Variants in PHACTR1 observed in about 807,000 individuals in gnomAD.
PHACTR1 encodes the protein phosphatase and actin regulator 1.
In PHACTR1, 16 loss-of-function variants were observed where a neutral mutation model predicts 69.2. The observed-to-expected ratio is 0.23, with a 90% CI of 0.16 to 0.35. The LOEUF is 0.35. Ranked by LOEUF, PHACTR1 falls within the 10% of genes least tolerant of loss-of-function variation. The probability of loss-of-function intolerance (pLI) is 1.00; values close to 1 mark genes in which losing one functional copy is unlikely to be tolerated. For missense variants in PHACTR1, 510 were observed against 734.7 expected (o/e 0.69, Z 3.54); for synonymous variants, 312 against 284.5 (o/e 1.10, Z -0.97).
chr6:13,120,968 CCTAGT>C (rs1395372342), intron 5 of PHACTR1, among the ~76,000 whole-genome samples: 1 of 152,266 alleles, frequency 6.6e-6, no homozygotes, highest in African/African-American at 2.4e-5. Context: ...AGCCTGGCAC[CCTAGT>C]CTAAAGAACA....
intron 3 of PHACTR1, among the ~76,000 whole-genome samples, chr6:12,729,066 C>T (rs1001313177): frequency 6.6e-6 from 1 of 152,164 alleles, no homozygotes; most frequent in African/African-American, 2.4e-5. Flanking sequence ...TTTTGTCAAG[C>T]CTCAGAGGAA....
At chr6:12,823,824 CAA>C (rs1212968851) in intron 4 of PHACTR1, among the ~76,000 whole-genome samples, 1 of 152,166 alleles carries the variant, frequency 6.6e-6, no homozygotes, top group East Asian at 1.9e-4. Flanking sequence ...ATTCTGCAAA[CAA>C]ATATAAACTC....
At chr6:13,184,166 C>G (rs1311800258) in intron 7 of PHACTR1, among the ~76,000 whole-genome samples, 1 of 152,210 alleles carries the variant, frequency 6.6e-6, no homozygotes, top group Non-Finnish European at 1.5e-5. Flanking sequence ...CTGCTCAGCG[C>G]CGGGCACTCC....
intron 4 of PHACTR1, among the ~76,000 whole-genome samples, chr6:12,845,933 G>A (rs759626156): frequency 2.1e-4 from 32 of 152,196 alleles, no homozygotes; most frequent in Non-Finnish European, 2.8e-4. Flanking sequence ...TGCACCTGCT[G>A]AAAGTATGCA....
chr6:12,877,517 A>G (rs1182315727), intron 4 of PHACTR1, among the ~76,000 whole-genome samples: 1 of 152,164 alleles, frequency 6.6e-6, no homozygotes, highest in African/African-American at 2.4e-5. Flanking sequence ...CGGAGCATCC[A>G]GCATACAGAA....
intron 5 of PHACTR1, among the ~76,000 whole-genome samples, chr6:13,056,055 G>A (rs1806732687): frequency 1.3e-5 from 2 of 152,194 alleles, no homozygotes; most frequent in South Asian, 4.1e-4. Flanking sequence ...ATACACTACA[G>A]TATATCTTTA....
At chr6:13,115,968 T>C (rs1461300081) in intron 5 of PHACTR1, among the ~76,000 whole-genome samples, 1 of 152,202 alleles carries the variant, frequency 6.6e-6, no homozygotes, top group Non-Finnish European at 1.5e-5. Flanking sequence ...GAAAGATGTC[T>C]TGGTGTGACA....
At chr6:12,853,909 C>T (rs963595506) in intron 4 of PHACTR1, among the ~76,000 whole-genome samples, 1 of 152,144 alleles carries the variant, frequency 6.6e-6, no homozygotes, top group Non-Finnish European at 1.5e-5. Flanking sequence ...TGAGAAGGTA[C>T]TTACAAAAGA....
At chr6:13,200,810 G>A (rs1255929036) in intron 7 of PHACTR1, among the ~76,000 whole-genome samples, 2 of 151,642 alleles carry the variant, frequency 1.3e-5, no homozygotes, top group East Asian at 1.9e-4. Context: ...GCATCATGGC[G>A]GACACCTGTA....
intron 10 of PHACTR1, among the ~76,000 whole-genome samples, chr6:13,259,623 A>C (rs1028069869): frequency 1.3e-5 from 2 of 152,186 alleles, no homozygotes; most frequent in African/African-American, 4.8e-5. Flanking sequence ...TCCTCCTGAC[A>C]GTCCTACACA....
chr6:13,185,248 C>T (rs1192886679), intron 7 of PHACTR1, among the ~76,000 whole-genome samples: 1 of 152,178 alleles, frequency 6.6e-6, no homozygotes, highest in Non-Finnish European at 1.5e-5. Flanking sequence ...TCATGTGTAT[C>T]TGTAAATGTG....
intron 6 of PHACTR1, among the ~76,000 whole-genome samples, chr6:13,166,063 G>A (rs1445958745): frequency 4.6e-5 from 7 of 152,008 alleles, no homozygotes; most frequent in African/African-American, 1.7e-4. Flanking sequence ...TTTCCCTGGT[G>A]CCACTTCAGC....
rs945143243 is a variant in PHACTR1, at chr6:13,170,844, C to T, written c.496+10560C>T. On this transcript the variant is annotated intron_variant, in intron 6 of 14. Transcript: ENST00000332995. ...AGCAAGGCCATGCTTTCATTTGATC[C>T]CTTCTCACTGTTCCCAGGCCCAAGC... Among the ~76,000 whole-genome samples the T allele has an allele frequency of 4.3e-4, 66 of 152,258 alleles. 1 individual carries two copies. The highest frequency in any genetic ancestry group is 1.4e-3 in the African/African-American group (60 of 41,564).
intron 5 of PHACTR1, among the ~76,000 whole-genome samples, chr6:13,082,814 C>G (rs1014324855): frequency 3.9e-5 from 6 of 151,954 alleles, no homozygotes; most frequent in East Asian, 1.9e-4. Context: ...TTGTAAATTT[C>G]TTTGAGTTCA....
intron 5 of PHACTR1, among the ~76,000 whole-genome samples, chr6:13,146,541 A>T (rs1265444690): frequency 1.3e-5 from 2 of 152,218 alleles, no homozygotes; most frequent in East Asian, 3.8e-4. Context: ...GGTTGATCCA[A>T]CCATGAGTCA....
chr6:13,099,113 A>C (rs971398863), intron 5 of PHACTR1, among the ~76,000 whole-genome samples: 2 of 152,184 alleles, frequency 1.3e-5, no homozygotes, highest in Non-Finnish European at 2.9e-5. Context: ...TGGCCTCTGC[A>C]TGTGACCTCG....
chr6:12,771,297 G>T (rs1159631207), intron 4 of PHACTR1, among the ~76,000 whole-genome samples: 1 of 152,144 alleles, frequency 6.6e-6, no homozygotes, highest in Non-Finnish European at 1.5e-5. Flanking sequence ...AAGGAGAGGG[G>T]TAGATGACCT....
chr6:13,108,415 T>C (rs1816506015), intron 5 of PHACTR1, among the ~76,000 whole-genome samples: 1 of 152,068 alleles, frequency 6.6e-6, no homozygotes, highest in African/African-American at 2.4e-5. Context: ...TTCTTCCAGT[T>C]TTCCATGTCA....
chr6:12,744,669 A>C (rs1765540494), intron 3 of PHACTR1, among the ~76,000 whole-genome samples: 1 of 152,172 alleles, frequency 6.6e-6, no homozygotes, highest in South Asian at 2.1e-4. Context: ...AGTTAAAGCA[A>C]GTTTATTAAG....
Sources: allele counts gnomAD v4.1 joint callset (sites outside exome capture counted in the v4.1 genomes callset), GRCh38; gene constraint gnomAD v4.1.1; transcripts MANE v1.5; gene names NCBI Gene and HGNC (gene_info 2026-07-23, HGNC 2026-07-21).